Variants in SDK1 observed in about 807,000 individuals in gnomAD.
SDK1 encodes protein sidekick-1.
In SDK1, 157 loss-of-function variants were observed where a neutral mutation model predicts 245.5. That is an observed-to-expected ratio of 0.64 (90% CI 0.56 to 0.73). SDK1 has a LOEUF of 0.73. SDK1 is among the 30% of genes least tolerant of loss of function. The pLI is 0.00. For missense variants in SDK1, 3,583 were observed against 3,002.3 expected (o/e 1.19, Z -4.52); for synonymous variants, 1,647 against 1,278.5 (o/e 1.29, Z -6.15).
At chr7:3,409,769 G>T (rs577888403) in intron 1 of SDK1, among the ~76,000 whole-genome samples, 7 of 152,178 alleles carry the variant, frequency 4.6e-5, no homozygotes, top group Admixed American at 4.6e-4. Flanking sequence ...TAGGTGGGCT[G>T]TGGTGGGGTG....
chr7:4,193,354 T>G (rs1327859939), intron 35 of SDK1, among the ~76,000 whole-genome samples: 1 of 106,636 alleles, frequency 9.4e-6, no homozygotes, highest in Non-Finnish European at 1.7e-5. Context: ...TATAATATAT[T>G]TATATATATT....
chr7:3,536,031 C>T (rs2128619171), intron 1 of SDK1, among the ~76,000 whole-genome samples: 1 of 151,662 alleles, frequency 6.6e-6, no homozygotes, highest in South Asian at 2.1e-4. Context: ...TAATTCCCCC[C>T]CTGCATGTTT....
chr7:3,580,531 C>G (rs904577528), intron 1 of SDK1, among the ~76,000 whole-genome samples: 7 of 152,068 alleles, frequency 4.6e-5, no homozygotes, highest in Non-Finnish European at 1.0e-4. Context: ...CTGACAAAAA[C>G]AAGAAATGGG....
chr7:3,320,730 T>C (rs1779782408), intron 1 of SDK1, among the ~76,000 whole-genome samples: 1 of 152,196 alleles, frequency 6.6e-6, no homozygotes, highest in African/African-American at 2.4e-5. Flanking sequence ...TAGTTATCTT[T>C]GTTAAAAAAG....
At chr7:4,034,637 G>A (rs886833488) in intron 17 of SDK1, among the ~76,000 whole-genome samples, 2 of 152,174 alleles carry the variant, frequency 1.3e-5, no homozygotes, top group African/African-American at 2.4e-5. Flanking sequence ...TAATTAACCT[G>A]TTTACCTTCT....
At chr7:4,186,286 G>A (rs919546136) in intron 35 of SDK1, among the ~76,000 whole-genome samples, 3 of 152,014 alleles carry the variant, frequency 2.0e-5, no homozygotes, top group Non-Finnish European at 2.9e-5. Context: ...AAGCATGGCC[G>A]CCAGCCCAGC....
chr7:4,108,493 AG>A (rs1471547018), intron 22 of SDK1, among the ~76,000 whole-genome samples: 2 of 152,116 alleles, frequency 1.3e-5, no homozygotes, highest in Non-Finnish European at 2.9e-5. Flanking sequence ...CTTTGGTGCC[AG>A]GGGACTTGCC....
At chr7:3,341,012 A>G (rs1323286110) in intron 1 of SDK1, among the ~76,000 whole-genome samples, 6 of 152,178 alleles carry the variant, frequency 3.9e-5, no homozygotes, top group African/African-American at 1.2e-4. Flanking sequence ...GAGAAGACCT[A>G]CAAAGTCATT....
At chr7:4,224,982 CAAAAAAAAAAAAAAAAAAAA>C (rs3038664) in intron 40 of SDK1, among the ~76,000 whole-genome samples, 4 of 43,744 alleles carry the variant, frequency 9.1e-5, no homozygotes, top group East Asian at 9.6e-4. Context: ...GACTCTGTCT[CAAAAAAAAAAAAAAAAAAAA>C]AAAAAAAAAA....
At chr7:3,842,212 T>C (rs903637593) in intron 5 of SDK1, among the ~76,000 whole-genome samples, 2 of 152,212 alleles carry the variant, frequency 1.3e-5, no homozygotes, top group Admixed American at 1.3e-4. Flanking sequence ...GAGCAGTACT[T>C]GCACCACCAT....
chr7:3,344,355 T>A (rs951485307), intron 1 of SDK1, among the ~76,000 whole-genome samples: 6 of 152,232 alleles, frequency 3.9e-5, no homozygotes, highest in African/African-American at 1.4e-4. Flanking sequence ...TACTTTTATC[T>A]TGGAAAGCTG....
At chr7:3,668,790 CAAACA>C (rs892808617) in intron 4 of SDK1, among the ~76,000 whole-genome samples, 5 of 152,150 alleles carry the variant, frequency 3.3e-5, no homozygotes, top group African/African-American at 9.7e-5. Flanking sequence ...AATTCCTACT[CAAACA>C]AAACAAAACA....
Position 4,141,416 on chromosome 7 carries a change from C to G in SDK1, c.4229-4306C>G, listed in dbSNP as rs887031959. On this transcript the variant is annotated intron_variant, in intron 28 of 44. Transcript: ENST00000404826. ...TTATTACCTCTAGCAATGGAATAATCTGGGCAGAGATAAAACATGGTGAAA... is the reference window on the plus strand; with the variant it reads ...TTATTACCTCTAGCAATGGAATAATGTGGGCAGAGATAAAACATGGTGAAA... Among the ~76,000 whole-genome samples, 4 of 152,212 alleles carry G rather than the reference C, an allele frequency of 2.6e-5. No individual in the cohort carries two copies. In the South Asian group the frequency reaches 8.3e-4, roughly 32 times the overall value.
intron 1 of SDK1, among the ~76,000 whole-genome samples, chr7:3,581,296 G>T (rs1371132930): frequency 1.3e-5 from 2 of 152,124 alleles, no homozygotes; most frequent in Non-Finnish European, 2.9e-5. Flanking sequence ...TCAGTGCTAT[G>T]AACTAAACAG....
intron 4 of SDK1, among the ~76,000 whole-genome samples, chr7:3,819,378 T>C (rs13242962): frequency 0.12 from 18,118 of 152,066 alleles, 1,825 homozygotes; most frequent in African/African-American, 0.27. Flanking sequence ...ACTCTTGAAA[T>C]AATGCCGTAA....
chr7:3,633,894 C>T (rs920283708), intron 2 of SDK1, among the ~76,000 whole-genome samples: 1 of 151,960 alleles, frequency 6.6e-6, no homozygotes, highest in African/African-American at 2.4e-5. Flanking sequence ...TGCTGCTGGC[C>T]CCACCAAATA....
At chr7:3,779,938 C>CAAAAA (rs34979965) in intron 4 of SDK1, among the ~76,000 whole-genome samples, 2 of 46,622 alleles carry the variant, frequency 4.3e-5, no homozygotes, top group African/African-American at 7.0e-5. Flanking sequence ...GACTCCGTCT[C>CAAAAA]AAAAAAAAAA....
At chr7:3,772,931 C>T (rs1032989542) in intron 4 of SDK1, among the ~76,000 whole-genome samples, 17 of 152,116 alleles carry the variant, frequency 1.1e-4, no homozygotes, top group Admixed American at 2.0e-4. Flanking sequence ...TCCCATGTAT[C>T]GTGATGAATC....
intron 1 of SDK1, among the ~76,000 whole-genome samples, chr7:3,353,128 C>G (rs1780704067): frequency 6.6e-6 from 1 of 152,048 alleles, no homozygotes; most frequent in African/African-American, 2.4e-5. Flanking sequence ...TATTTTGTTT[C>G]CTGTTATCAT....
Sources: gnomAD v4.1 joint callset for allele counts (sites outside exome capture counted in the v4.1 genomes callset) on GRCh38, gnomAD v4.1.1 for gene constraint, MANE v1.5 for transcripts, NCBI Gene and HGNC (gene_info 2026-07-23, HGNC 2026-07-21) for gene names.